KLHL33: variants seen among roughly 807,000 people sequenced by gnomAD.
KLHL33 encodes the protein kelch like family member 33.
Under a neutral mutation model 60.8 loss-of-function variants are expected in KLHL33, and 46 were observed. The observed-to-expected ratio is 0.76, with a 90% CI of 0.60 to 0.97. KLHL33 has a LOEUF of 0.97. KLHL33 is among the 50% of genes least tolerant of loss of function. KLHL33 has a pLI of 0.00. For synonymous variants in KLHL33, 434 were observed against 432.2 expected, an observed-to-expected ratio of 1.00 and a Z score of -0.05; for missense variants, 1,055 against 1,000.0, an observed-to-expected ratio of 1.05 and a Z score of -0.74.
Position 20,428,952 on chromosome 14 carries a change from A to T in KLHL33, c.2291T>A (p.Leu764Gln), listed in dbSNP as rs1213640916. The change falls in exon 5 of 5, where the codon CTG becomes CAG. Residue 764 changes from leucine (L) to glutamine (Q), a missense_variant. By Grantham distance (113) the Leu-to-Gln change is moderately radical. Transcript: ENST00000636854. ...AGGCATCTCAGCCCGAGGCCTTGGC[A>T]GAGTTCCCAGGCAGAGCCATCGGCC... is the stretch of plus-strand genomic sequence containing the variant. ...GLGRWLCLGT[L>Q]PRPRAEMPAC... is the part of the protein sequence containing the mutation. 1 of 1,551,644 alleles carries T rather than the reference A, an allele frequency of 6.4e-7. No homozygotes were observed. The highest frequency in any genetic ancestry group is 2.4e-5 in the East Asian group (1 of 40,934).
At chr14:20,432,008 C>A (rs1393703869) in intron 2 of KLHL33, among the ~76,000 whole-genome samples, 1 of 152,088 alleles carries the variant, frequency 6.6e-6, no homozygotes, top group African/African-American at 2.4e-5. Context: ...TGAATCTGTT[C>A]AACTCTTTAG....
In KLHL33 at chr14:20,428,758, G is replaced by A; in HGVS notation, c.*91C>T. The A allele has an allele frequency of 8.9e-7, 1 of 1,127,328 alleles. No homozygotes were observed. Among genetic ancestry groups the A allele is most frequent in the Non-Finnish European group, 1.3e-6 (1 of 793,956 alleles). The allele number at this position is 1,127,328 out of a possible 1,614,324, so 69.8% of individuals were successfully genotyped here. On this transcript the variant is annotated 3_prime_UTR_variant, in exon 5 of 5. Transcript: ENST00000636854. ...CAGTGTGAGAATAAAATACTACCAA[G>A]AATAAAGCCTCTTTTCACTCCCCAC...
At position 20,429,098 on chromosome 14, in the gene KLHL33, T is replaced by G; in HGVS notation, c.2145A>C (p.Leu715=). The G allele has an allele frequency of 6.4e-7, 1 of 1,551,436 alleles. No individual in the cohort carries two copies. Among genetic ancestry groups the G allele is most frequent in the Non-Finnish European group, 8.7e-7 (1 of 1,146,930 alleles). Residue 715 remains leucine (L), a synonymous_variant, in exon 5 of 5, where the codon CTA becomes CTC. Transcript: ENST00000636854. ...TTGCAGCCCCCACATGGGGGGAGGG[T>G]AGGGGTGCCAGGTGAGTCCAGCTAT... ...RTDSWTHLAP[L]PSPHVGAASA... is the part of the protein sequence containing the mutation.
Position 20,425,901 on chromosome 14 carries a change from CA to C in KLHL33, c.*2947del, listed in dbSNP as rs1279914494. 5.9e-5 allele frequency: 9 copies of C among 152,102 alleles called. No individual in the cohort carries two copies. Among genetic ancestry groups the C allele is most frequent in the Non-Finnish European group, 1.3e-4 (9 of 68,020 alleles). The allele number at this position is 152,102 out of a possible 1,614,324, so 9.4% of individuals were successfully genotyped here. A position where few individuals can be genotyped will look rare whatever the true frequency, so the allele number is the denominator to read the frequency against. ...TAAGTCTGCCTTTAGGTACAAATCA[CA>C]AAAAATGTTCATAGAAGTTCATCCA... On this transcript the variant is annotated 3_prime_UTR_variant, in exon 5 of 5. Coordinates refer to ENST00000636854, the MANE Select transcript of KLHL33 (RefSeq NM_001365790.2).
Position 20,429,536 on chromosome 14 carries a change from C to T in KLHL33, c.1807G>A (p.Val603Met), listed in dbSNP as rs1037119585. 7.1e-6 allele frequency: 11 copies of T among 1,552,160 alleles called. No homozygotes were observed. In the African/African-American group the frequency reaches 9.6e-5, roughly 14 times the overall value. ...GRHNDVALDSVETYNPELNVW... is the reference protein window; with the variant it reads ...GRHNDVALDSMETYNPELNVW... ...TTGAGCTCAGGGTTGTAGGTCTCCA[C>T]AGAGTCCAGGGCAACATCATTGTGT... is the stretch of plus-strand genomic sequence containing the variant. The change falls in exon 4 of 5, where the codon GTG becomes ATG. Residue 603 changes from valine to methionine, a missense_variant. By Grantham distance (21) the Val-to-Met change is conservative. Transcript: ENST00000636854.
chr14:20,430,829 A>C (rs1249040256), intron 2 of KLHL33, 110 bp from the exon 3 acceptor site: 8 of 605,516 alleles, frequency 1.3e-5, no homozygotes, highest in Non-Finnish European at 2.2e-5. Context: ...TGGCCCTCCA[A>C]GCCACCCACT....
intron 2 of KLHL33, 86 bp from the exon 3 acceptor site, chr14:20,430,805 C>G: frequency 2.4e-6 from 2 of 826,244 alleles, no homozygotes; most frequent in Non-Finnish European, 1.7e-6. Context: ...CTAAGTTTGG[C>G]CAAACTCTAA....
chr14:20,434,592 C>T (rs1880623804), intron 2 of KLHL33, among the ~76,000 whole-genome samples: 2 of 151,908 alleles, frequency 1.3e-5, no homozygotes, highest in African/African-American at 4.8e-5. Flanking sequence ...CAGTACCAGA[C>T]CTTGCTCATT....
At chr14:20,431,743 A>G (rs145510680) in intron 2 of KLHL33, among the ~76,000 whole-genome samples, 1,526 of 152,282 alleles carry the variant, frequency 0.01, 27 homozygotes, top group South Asian at 0.033. Context: ...ATAAATAAAT[A>G]AAATGTGGAA....
Position 20,428,870 on chromosome 14 carries a change from G to A in KLHL33, c.2373C>T (p.His791=), listed in dbSNP as rs1425175392. 39 of 1,551,138 alleles carry A rather than the reference G, an allele frequency of 2.5e-5. No individual in the cohort carries two copies. The highest frequency in any genetic ancestry group is 3.1e-5 in the Non-Finnish European group (36 of 1,146,660). The change falls in exon 5 of 5, where the codon CAC becomes CAT. Residue 791 remains histidine, a synonymous_variant. Transcript: ENST00000636854. ...VQHIALVPTP[H]QTKPAG ...CTCTTCACCCAGCAGGTTTGGTTTG[G>A]TGTGGGGTGGGAACCAAAGCTATGT...
rs150257227 is a variant in KLHL33, at chr14:20,428,864, G to C, written c.2379C>G (p.Thr793=). The change falls in exon 5 of 5, where the codon ACC becomes ACG. Residue 793 remains threonine (T), a synonymous_variant. Coordinates refer to ENST00000636854, the MANE Select transcript of KLHL33 (RefSeq NM_001365790.2). ...TGCTCCCTCTTCACCCAGCAGGTTT[G>C]GTTTGGTGTGGGGTGGGAACCAAAG... ...HIALVPTPHQ[T]KPAG The C allele has an allele frequency of 1.9e-6, 3 of 1,550,620 alleles. No homozygotes were observed. In the African/African-American group the frequency reaches 4.1e-5, roughly 21 times the overall value.
chr14:20,429,383 T>C lies in KLHL33; in HGVS notation c.1860A>G (p.Pro620=). The change falls in exon 5 of 5, where the codon CCA becomes CCG. Residue 620 remains proline (P), a synonymous_variant. Transcript: ENST00000636854. ...LNVWRPAPAL[P]APCFAHAAAI... Reference sequence around the variant, plus strand: ...CAGCTGCGTGGGCAAAACATGGTGCTGGAAGTGCAGGTGCTGGCCTAAGGG... The same window carrying C: ...CAGCTGCGTGGGCAAAACATGGTGCCGGAAGTGCAGGTGCTGGCCTAAGGG... 1 of 1,551,764 alleles carries C rather than the reference T, an allele frequency of 6.4e-7. No homozygotes were observed. The highest frequency in any genetic ancestry group is 8.7e-7 in the Non-Finnish European group (1 of 1,146,974).
At position 20,427,338 on chromosome 14, in the gene KLHL33, A is replaced by G. The variant is rs1880320735; in HGVS notation, c.*1511T>C. 1 of 152,146 alleles carries G rather than the reference A, an allele frequency of 6.6e-6. No homozygotes were observed. The highest frequency in any genetic ancestry group is 1.5e-5 in the Non-Finnish European group (1 of 68,030). 9.4% of individuals were successfully genotyped at this position (152,146 alleles called of 1,614,324 possible). A position where few individuals can be genotyped will look rare whatever the true frequency, so the allele number is the denominator to read the frequency against. On this transcript the variant is annotated 3_prime_UTR_variant, in exon 5 of 5. Coordinates refer to ENST00000636854, the MANE Select transcript of KLHL33 (RefSeq NM_001365790.2). ...ATAGAGGTGAGTCATAGAGGGCGGG[A>G]ATACACAATCATTAAGTGAAAGCCA...
chr14:20,430,158 C>T lies in KLHL33; in HGVS notation c.1310G>A (p.Arg437Gln), dbSNP rs758196679. 332 of 1,551,570 alleles carry T rather than the reference C, an allele frequency of 2.1e-4. No homozygotes were observed. The highest frequency in any genetic ancestry group is 2.7e-4 in the Non-Finnish European group (311 of 1,146,998). Reference protein sequence around the residue: ...RFGRMSTRELRRVRAAGLLPP... With the variant: ...RFGRMSTRELQRVRAAGLLPP... ...AAGTAGCCCGGCTGCCCGCACCCTC[C>T]GCAACTCCCTGGTGGACATGCGGCC... The change falls in exon 3 of 5, where the codon CGG becomes CAG. Residue 437 changes from arginine (R) to glutamine (Q), a missense_variant. Physicochemically the swap from Arg to Gln is conservative, Grantham distance 43. Transcript: ENST00000636854.
Position 20,426,282 on chromosome 14 carries a change from A to T in KLHL33, c.*2567T>A, listed in dbSNP as rs1325821238. 3 of 152,060 alleles carry T rather than the reference A, an allele frequency of 2.0e-5. No individual in the cohort carries two copies. Among genetic ancestry groups the T allele is most frequent in the African/African-American group, 7.3e-5 (3 of 41,374 alleles). The allele number at this position is 152,060 out of a possible 1,614,324, so 9.4% of individuals were successfully genotyped here. A position where few individuals can be genotyped will look rare whatever the true frequency, so the allele number is the denominator to read the frequency against. On this transcript the variant is annotated 3_prime_UTR_variant, in exon 5 of 5. Coordinates refer to ENST00000636854, the MANE Select transcript of KLHL33 (RefSeq NM_001365790.2). ...TTTCGGAGGTCGAGGTGGGTGGATC[A>T]CCTGAGGTCGGGAGTTCAAGACCAG...
rs1021558390 is a variant in KLHL33, at chr14:20,427,139, T to A, written c.*1710A>T. The stretch of plus-strand genomic sequence containing the variant: ...CATGGCACATGTATACATATGTAAC[T>A]AACCTGCACATTGGGCACATGTACC... On this transcript the variant is annotated 3_prime_UTR_variant, in exon 5 of 5. Coordinates refer to ENST00000636854, the MANE Select transcript of KLHL33 (RefSeq NM_001365790.2). The A allele has an allele frequency of 1.3e-5, 2 of 150,078 alleles. No individual in the cohort carries two copies. The highest frequency in any genetic ancestry group is 6.7e-5 in the Admixed American group (1 of 14,994). 9.3% of individuals were successfully genotyped at this position (150,078 alleles called of 1,614,324 possible).
intron 2 of KLHL33, among the ~76,000 whole-genome samples, chr14:20,434,837 G>A (rs1185600968): frequency 6.6e-6 from 1 of 152,168 alleles, no homozygotes; most frequent in Non-Finnish European, 1.5e-5. Context: ...CACAGGAAAA[G>A]CCAGACAGAG....
In KLHL33 at chr14:20,430,692, C is replaced by A; in HGVS notation, c.776G>T (p.Ser259Ile). The change falls in exon 3 of 5, where the codon AGT becomes ATT. Residue 259 changes from serine to isoleucine, a missense_variant. Transcript: ENST00000636854. ...CAGGAGCATGGCCCCAAAGAACTCA[C>A]TGCCACAGGCCAGGGCGGCTCGGTG... ...SVHRAALACG[S>I]EFFGAMLLSG... 6.5e-7 allele frequency: 1 copy of A among 1,530,392 alleles called. No individual in the cohort carries two copies. Among genetic ancestry groups the A allele is most frequent in the Admixed American group, 2.0e-5 (1 of 50,734 alleles). 94.8% of individuals were successfully genotyped at this position (1,530,392 alleles called of 1,614,324 possible).
At chr14:20,432,691 G>A (rs1594399562) in intron 2 of KLHL33, among the ~76,000 whole-genome samples, 1 of 152,132 alleles carries the variant, frequency 6.6e-6, no homozygotes, top group Non-Finnish European at 1.5e-5. Context: ...GGAGGCTAAG[G>A]CAGGTGGATC....
Sources: gnomAD v4.1 joint callset for allele counts (sites outside exome capture counted in the v4.1 genomes callset) on GRCh38, gnomAD v4.1.1 for gene constraint, MANE v1.5 for transcripts, NCBI Gene and HGNC (gene_info 2026-07-23, HGNC 2026-07-21) for gene names.